Variants in S100PBP observed in about 807,000 individuals in gnomAD.
S100PBP encodes S100P-binding protein.
S100PBP carries 15 observed loss-of-function variants against 39.9 expected under a neutral mutation model. The ratio of observed to expected loss-of-function variants is 0.38; its 90% confidence interval spans 0.25 to 0.58. The LOEUF (loss-of-function observed/expected upper bound fraction) is 0.58. S100PBP is among the 20% of genes least tolerant of loss of function. S100PBP has a pLI of 0.70. For missense variants in S100PBP, 504 were observed against 487.3 expected, an observed-to-expected ratio of 1.03 and a Z score of -0.32; for synonymous variants, 178 against 180.3, an observed-to-expected ratio of 0.99 and a Z score of 0.10.
At chr1:32,854,859 A>G (rs927922681) in intron 6 of S100PBP, among the ~76,000 whole-genome samples, 1 of 152,234 alleles carries the variant, frequency 6.6e-6, no homozygotes, top group Non-Finnish European at 1.5e-5. Context: ...TCAGAAGGAA[A>G]GGCAGTGTAG....
chr1:32,817,124 C>G, upstream of S100PBP: 2 of 1,600,996 alleles, frequency 1.2e-6, no homozygotes, highest in Admixed American at 1.7e-5. Context: ...CGTAATGGGG[C>G]TCAAAATCAC....
At chr1:32,829,869 C>G in intron 4 of S100PBP, 95 bp from the exon 5 acceptor site, 1 of 815,600 alleles carries the variant, frequency 1.2e-6, no homozygotes, top group Non-Finnish European at 2.0e-6. Context: ...AAACTTAGTT[C>G]TAATCAATCA....
intron 4 of S100PBP, 26 bp from the exon 5 acceptor site, chr1:32,829,932 GTTTTTC>G: frequency 6.7e-7 from 1 of 1,493,588 alleles, no homozygotes; most frequent in Non-Finnish European, 9.3e-7. Flanking sequence ...CTAATGGGCT[GTTTTTC>G]TTTTTTCTGG....
intron 1 of S100PBP, among the ~76,000 whole-genome samples, chr1:32,822,276 A>C (rs1639105749): frequency 6.6e-6 from 1 of 152,238 alleles, no homozygotes; most frequent in African/African-American, 2.4e-5. Context: ...CTATTATGTT[A>C]CTTATGTATA....
At position 32,830,046 on chromosome 1, in the gene S100PBP, G is replaced by A; in HGVS notation, c.1003G>A (p.Asp335Asn). The change falls in exon 5 of 7, where the codon GAC becomes AAC. Residue 335 changes from aspartate to asparagine, a missense_variant. Transcript: ENST00000373475. ...CAGGAGTGTCATTGCTCATATAGAA[G>A]ACCCAGAGGACACTAACCAAGGTAA... is the stretch of plus-strand genomic sequence containing the variant. ...YLRSVIAHIE[D>N]PEDTNQGISG... 6.2e-7 allele frequency: 1 copy of A among 1,609,990 alleles called. No individual in the cohort carries two copies. Among genetic ancestry groups the A allele is most frequent in the Non-Finnish European group, 8.5e-7 (1 of 1,176,454 alleles).
At chr1:32,827,157 C>G (rs1471647762) in intron 3 of S100PBP, among the ~76,000 whole-genome samples, 1 of 152,112 alleles carries the variant, frequency 6.6e-6, no homozygotes, top group Non-Finnish European at 1.5e-5. Flanking sequence ...TATTTAGCCT[C>G]TATGTTTCCC....
chr1:32,817,402 G>A (rs2148621312), upstream of S100PBP: 1 of 893,866 alleles, frequency 1.1e-6, no homozygotes, highest in Non-Finnish European at 1.7e-6. Flanking sequence ...CTCCGGCAGC[G>A]GCCGGAAAAA....
At chr1:32,817,640 G>C, upstream of S100PBP, 1 of 286,504 alleles carries the variant, frequency 3.5e-6, no homozygotes, top group Non-Finnish European at 6.8e-6. Flanking sequence ...TGGCGCAGGG[G>C]GCGGAGTGAG....
At chr1:32,820,703 A>G (rs1316130609) in intron 1 of S100PBP, 5 of 152,186 alleles carry the variant, frequency 3.3e-5, no homozygotes, top group African/African-American at 9.7e-5. Context: ...TATTTCAAGC[A>G]TATAAAAAAG....
At chr1:32,846,790 T>C (rs1640399129) in intron 5 of S100PBP, 1 of 151,738 alleles carries the variant, frequency 6.6e-6, no homozygotes, top group Admixed American at 6.6e-5. Context: ...CTTTCTTTTT[T>C]TTTTTTTTGA....
intron 1 of S100PBP, among the ~76,000 whole-genome samples, chr1:32,822,603 A>G (rs1428552875): frequency 1.4e-5 from 2 of 148,060 alleles, no homozygotes; most frequent in African/African-American, 2.5e-5. Flanking sequence ...TCTGGGCTAC[A>G]GAGCTAGACT....
intron 5 of S100PBP, among the ~76,000 whole-genome samples, chr1:32,831,679 A>C (rs1487917063): frequency 6.6e-6 from 1 of 152,030 alleles, no homozygotes; most frequent in Admixed American, 6.6e-5. Flanking sequence ...TTTAGGTCTG[A>C]TAGAAGTAGA....
intron 5 of S100PBP, among the ~76,000 whole-genome samples, chr1:32,851,875 C>T (rs750502248): frequency 3.3e-5 from 5 of 152,104 alleles, no homozygotes; most frequent in African/African-American, 7.2e-5. Context: ...TTAAAATTTG[C>T]GAACCACTGG....
chr1:32,842,236 T>TACAC (rs1553132298), intron 5 of S100PBP, among the ~76,000 whole-genome samples: 178 of 80,800 alleles, frequency 2.2e-3, no homozygotes, highest in African/African-American at 6.0e-3. Context: ...TATATATATA[T>TACAC]ACACACACAC....
upstream of S100PBP, chr1:32,817,469 G>A: frequency 3.2e-6 from 2 of 618,310 alleles, no homozygotes; most frequent in Non-Finnish European, 5.7e-6. Flanking sequence ...TGGAGCCAGT[G>A]GGCACGGTGG....
rs1052177426 is a variant in S100PBP, at chr1:32,826,174, T to C, written c.75T>C (p.Ser25=). 4.3e-6 allele frequency: 7 copies of C among 1,614,136 alleles called. No homozygotes were observed. The highest frequency in any genetic ancestry group is 5.9e-6 in the Non-Finnish European group (7 of 1,179,998). The change falls in exon 3 of 7, where the codon TCT becomes TCC. Residue 25 remains serine (S), a synonymous_variant. Transcript: ENST00000373475. ...SLLPKDGAPF[S]WDSLDEDGLD... Reference sequence around the variant, plus strand: ...TGCCTAAAGACGGTGCCCCATTTTCTTGGGATTCCTTGGATGAGGATGGAT... The same window carrying C: ...TGCCTAAAGACGGTGCCCCATTTTCCTGGGATTCCTTGGATGAGGATGGAT...
At position 32,858,767 on chromosome 1, in the gene S100PBP, A is replaced by G. The variant is rs2148706770; in HGVS notation, c.*2729A>G. 1 of 152,294 alleles carries G rather than the reference A, an allele frequency of 6.6e-6. No homozygotes were observed. Among genetic ancestry groups the G allele is most frequent in the Non-Finnish European group, 1.5e-5 (1 of 68,018 alleles). 9.4% of individuals were successfully genotyped at this position (152,294 alleles called of 1,614,324 possible). A position where few individuals can be genotyped will look rare whatever the true frequency, so the allele number is the denominator to read the frequency against. ...CAGGCCCTGATTTACTGGCGTTGTC[A>G]GTTTCAATTATGAAACTGAAGTTTG... On this transcript the variant is annotated 3_prime_UTR_variant, in exon 7 of 7. Transcript: ENST00000373475.
At chr1:32,820,542 T>C (rs1299593702) in intron 1 of S100PBP, 1 of 152,184 alleles carries the variant, frequency 6.6e-6, no homozygotes, top group East Asian at 1.9e-4. Flanking sequence ...ATGCCATGCC[T>C]CTAGTGTGCC....
intron 5 of S100PBP, chr1:32,847,203 A>G (rs532083426): frequency 6.6e-6 from 1 of 152,294 alleles, no homozygotes; most frequent in South Asian, 2.1e-4. Flanking sequence ...TCGATGTGAT[A>G]TTATTTTCCT....
Sources: allele counts gnomAD v4.1 joint callset (sites outside exome capture counted in the v4.1 genomes callset), GRCh38; gene constraint gnomAD v4.1.1; transcripts MANE v1.5; gene names NCBI Gene and HGNC (gene_info 2026-07-23, HGNC 2026-07-21).